The following ATG7 variants were observed in gnomAD, a reference collection of about 807,000 sequenced individuals.
ATG7 encodes the protein autophagy related 7.
A neutral mutation model predicts 82.4 loss-of-function variants in ATG7; 70 were observed. The observed-to-expected ratio is 0.85, with a 90% confidence interval of 0.70 to 1.04. ATG7 has a LOEUF of 1.04. Among genes scored for constraint, ATG7 ranks in the 50% least tolerant of loss-of-function variants. The pLI is 0.00. For synonymous variants in ATG7, 287 were observed against 313.0 expected (o/e 0.92, Z 0.88); for missense variants, 792 against 864.3 (o/e 0.92, Z 1.05).
intron 20 of ATG7, among the ~76,000 whole-genome samples, chr3:11,469,089 A>AG (rs2087135329): frequency 6.6e-6 from 1 of 152,240 alleles, no homozygotes; most frequent in Non-Finnish European, 1.5e-5. Context: ...TGTCAACAGA[A>AG]GATGAGATGG....
intron 20 of ATG7, among the ~76,000 whole-genome samples, chr3:11,493,696 G>C (rs1434578485): frequency 6.6e-6 from 1 of 152,148 alleles, no homozygotes; most frequent in Non-Finnish European, 1.5e-5. Flanking sequence ...GCACAAGGTA[G>C]GTAAATACTT....
chr3:11,574,033 C>T, the ATG7 span, among the ~76,000 whole-genome samples: 1 of 152,192 alleles, frequency 6.6e-6, no homozygotes, highest in Non-Finnish European at 1.5e-5. Context: ...CCACCAGCAG[C>T]TGAGAGAAAG....
chr3:11,303,668 T>TA (rs1309840061), intron 5 of ATG7, among the ~76,000 whole-genome samples: 2,336 of 132,528 alleles, frequency 0.018, 57 homozygotes, highest in African/African-American at 0.055. Flanking sequence ...ACTCCGTCTC[T>TA]AAAAAAAAAA....
chr3:11,504,813 TA>T (rs1221716825), intron 20 of ATG7, among the ~76,000 whole-genome samples: 1 of 152,148 alleles, frequency 6.6e-6, no homozygotes, highest in Non-Finnish European at 1.5e-5. Context: ...ATACAGCAAT[TA>T]AACAGTCAAA....
intron 19 of ATG7, among the ~76,000 whole-genome samples, chr3:11,417,815 ATTTTTTT>A (rs372904207): frequency 5.5e-4 from 36 of 64,954 alleles, no homozygotes; most frequent in Non-Finnish European, 1.1e-3. Flanking sequence ...ATTTTATTTT[ATTTTTTT>A]TTTTTTTGAG....
chr3:11,344,321 C>T (rs1220612384), intron 13 of ATG7, among the ~76,000 whole-genome samples: 1 of 152,140 alleles, frequency 6.6e-6, no homozygotes, highest in African/African-American at 2.4e-5. Context: ...TGTTTTATTG[C>T]TGACTTTAAT....
At chr3:11,344,039 T>C (rs1320828710) in intron 13 of ATG7, among the ~76,000 whole-genome samples, 1 of 152,196 alleles carries the variant, frequency 6.6e-6, no homozygotes, top group Non-Finnish European at 1.5e-5. Flanking sequence ...AAATATGGTA[T>C]TTCTGCATAT....
At chr3:11,376,505 A>G (rs1036739677) in intron 18 of ATG7, among the ~76,000 whole-genome samples, 3 of 152,160 alleles carry the variant, frequency 2.0e-5, no homozygotes, top group African/African-American at 7.2e-5. Context: ...AAGGAAGGTG[A>G]ACACTTAGAT....
chr3:11,479,346 C>CA (rs1310239946), intron 20 of ATG7, among the ~76,000 whole-genome samples: 2 of 152,150 alleles, frequency 1.3e-5, no homozygotes, highest in Non-Finnish European at 2.9e-5. Context: ...TTCAAGAAGT[C>CA]AAAGGCCGTG....
At chr3:11,469,851 A>G (rs1032580381) in intron 20 of ATG7, among the ~76,000 whole-genome samples, 1 of 151,672 alleles carries the variant, frequency 6.6e-6, no homozygotes, top group Non-Finnish European at 1.5e-5. Flanking sequence ...GTAGCCAGGC[A>G]TGGTGGCATG....
At chr3:11,324,351 A>G (rs1207444599) in intron 9 of ATG7, among the ~76,000 whole-genome samples, 1 of 152,222 alleles carries the variant, frequency 6.6e-6, no homozygotes, top group African/African-American at 2.4e-5. Context: ...ATAGATTCTG[A>G]GTTGATTCCT....
intron 13 of ATG7, among the ~76,000 whole-genome samples, chr3:11,344,589 G>A (rs888875569): frequency 1.6e-4 from 25 of 152,014 alleles, no homozygotes; most frequent in African/African-American, 5.6e-4. Flanking sequence ...CATTTTGGCC[G>A]GGCACGGTGG....
intron 18 of ATG7, among the ~76,000 whole-genome samples, chr3:11,376,112 C>T (rs1009604998): frequency 6.6e-6 from 1 of 152,164 alleles, no homozygotes; most frequent in East Asian, 1.9e-4. Context: ...TGTGTGATTT[C>T]ATTTATAGTA....
At chr3:11,539,880 T>G (rs757177840) in intron 20 of ATG7, among the ~76,000 whole-genome samples, 4 of 152,242 alleles carry the variant, frequency 2.6e-5, no homozygotes, top group Admixed American at 6.5e-5. Context: ...GAGGTTCACC[T>G]GCATCATTGC....
chr3:11,349,421 C>T (rs1197948654), intron 14 of ATG7, among the ~76,000 whole-genome samples: 3 of 152,040 alleles, frequency 2.0e-5, no homozygotes, highest in African/African-American at 7.2e-5. Flanking sequence ...TCTGTAGTCC[C>T]AGCTACACTA....
the ATG7 span, among the ~76,000 whole-genome samples, chr3:11,565,644 C>T: frequency 6.6e-6 from 1 of 152,176 alleles, no homozygotes; most frequent in Non-Finnish European, 1.5e-5. The surrounding 1 kb of genome is among the most constrained non-coding windows in gnomAD (Gnocchi z 4.1). Flanking sequence ...AGGGAGCCGG[C>T]GCGCAGCTCT....
At chr3:11,559,102 G>A (rs112928572), downstream of ATG7, among the ~76,000 whole-genome samples, 320 of 152,354 alleles carry the variant, frequency 2.1e-3, no homozygotes, top group African/African-American at 7.0e-3. Flanking sequence ...TGCCCTCCCT[G>A]CAACTAGGGC....
chr3:11,450,198 G>GT (rs397804666), intron 20 of ATG7, among the ~76,000 whole-genome samples: 152,382 of 152,382 alleles, frequency 1, 76,191 homozygotes, highest in Non-Finnish European at 1. Context: ...TGGAACCTAA[G>GT]TGTTCAAGGT....
At chr3:11,443,788 C>T (rs966841393) in intron 20 of ATG7, among the ~76,000 whole-genome samples, 15 of 151,810 alleles carry the variant, frequency 9.9e-5, no homozygotes, top group African/African-American at 3.6e-4. Context: ...AGAAAATTTC[C>T]CCCCCTGCTT....
Sources: allele counts gnomAD v4.1 joint callset (sites outside exome capture counted in the v4.1 genomes callset), GRCh38; gene constraint gnomAD v4.1.1; non-coding constraint Gnocchi (gnomAD v3.1); transcripts MANE v1.5; gene names NCBI Gene and HGNC (gene_info 2026-07-23, HGNC 2026-07-21).